The following WT1 variants were observed in gnomAD, a reference collection of about 807,000 sequenced individuals.
The protein encoded by WT1 is WT1 transcription factor.
WT1 carries 8 observed loss-of-function variants against 60.8 expected under a neutral mutation model. The observed-to-expected ratio is 0.13, with a 90% CI of 0.08 to 0.24. The LOEUF (loss-of-function observed/expected upper bound fraction) is 0.24, where lower values mean the gene tolerates loss of function less well. Ranked by LOEUF, WT1 falls within the 10% of genes least tolerant of loss-of-function variation. WT1 has a pLI of 1.00. For missense variants in WT1, 568 were observed against 711.8 expected (o/e 0.80, Z 2.30); for synonymous variants, 312 against 297.1 (o/e 1.05, Z -0.52).
At chr11:32,405,064 G>C (rs1590353739) in intron 5 of WT1, among the ~76,000 whole-genome samples, 1 of 152,156 alleles carries the variant, frequency 6.6e-6, no homozygotes, top group Admixed American at 6.5e-5. Flanking sequence ...AATATGGATT[G>C]ACTCTTTTTA....
chr11:32,398,481 C>T (rs2132950026), intron 6 of WT1, among the ~76,000 whole-genome samples: 1 of 152,312 alleles, frequency 6.6e-6, no homozygotes, highest in East Asian at 1.9e-4. Context: ...AAACTTTTAC[C>T]TTTATACTTT....
rs5030133 is a variant in WT1, at chr11:32,435,435, G to A, written c.-75C>T. ...GCTCTGGGTGGGTGGGTGGGTGAATGAGTAGGTGGGAGGGAGGGCGGGAAG... is the reference window on the plus strand; with the variant it reads ...GCTCTGGGTGGGTGGGTGGGTGAATAAGTAGGTGGGAGGGAGGGCGGGAAG... On this transcript the variant is annotated 5_prime_UTR_variant, in exon 1 of 10. Coordinates refer to ENST00000452863, the MANE Select transcript of WT1 (RefSeq NM_024426.6). 3.8e-5 allele frequency: 13 copies of A among 343,916 alleles called. No homozygotes were observed. Among genetic ancestry groups the A allele is most frequent in the Non-Finnish European group, 6.8e-5 (12 of 177,084 alleles). 21.3% of individuals were successfully genotyped at this position (343,916 alleles called of 1,614,324 possible).
intron 1 of WT1, among the ~76,000 whole-genome samples, chr11:32,432,881 T>G (rs772241651): frequency 1.3e-5 from 2 of 152,206 alleles, no homozygotes; most frequent in Admixed American, 6.5e-5. Context: ...CGTAGTAGTA[T>G]TTTGTGCCCC....
At chr11:32,404,875 T>G (rs113568234) in intron 5 of WT1, among the ~76,000 whole-genome samples, 16 of 152,324 alleles carry the variant, frequency 1.1e-4, no homozygotes, top group African/African-American at 3.8e-4. Flanking sequence ...TCTGGCCTAA[T>G]AACTTTTCCA....
chr11:32,408,365 A>G (rs1294808146), intron 5 of WT1, among the ~76,000 whole-genome samples: 1 of 151,726 alleles, frequency 6.6e-6, no homozygotes, highest in Admixed American at 6.6e-5. Flanking sequence ...AATACAAAAC[A>G]TTAGCCGGGT....
chr11:32,430,456 G>T, intron 1 of WT1: 2 of 212,074 alleles, frequency 9.4e-6, no homozygotes, highest in Non-Finnish European at 1.6e-5. Context: ...GAGAGGGAGG[G>T]AGAGAGAGAG....
intron 5 of WT1, among the ~76,000 whole-genome samples, chr11:32,404,221 A>G (rs1471700806): frequency 6.8e-6 from 1 of 147,730 alleles, no homozygotes; most frequent in Non-Finnish European, 1.5e-5. Context: ...GTGAGCCGAG[A>G]TCGTGCCATT....
intron 5 of WT1, 83 bp from the exon 6 acceptor site, chr11:32,400,127 G>A: frequency 6.6e-7 from 1 of 1,515,006 alleles, no homozygotes; most frequent in Non-Finnish European, 9.1e-7. Flanking sequence ...AGGAGGGAAT[G>A]ATGGTTTTTA....
chr11:32,417,417 A>T lies in WT1; in HGVS notation c.965+160T>A, dbSNP rs112220067. 11 of 683,248 alleles carry T rather than the reference A, an allele frequency of 1.6e-5. No homozygotes were observed. The African/African-American group carries it at 2.0e-4, about 12-fold the overall frequency. 42.3% of individuals were successfully genotyped at this position (683,248 alleles called of 1,614,324 possible). The stretch of plus-strand genomic sequence containing the variant: ...TTTTTGAAAATTTAATACTGAACAC[A>T]ACTCACCAACTAGGGGAAGGAGGAA... On this transcript the variant is annotated intron_variant, in intron 4 of 9. Coordinates refer to ENST00000452863, the MANE Select transcript of WT1 (RefSeq NM_024426.6).
chr11:32,416,453 C>T (rs199588402), intron 5 of WT1, 37 bp downstream of exon 5: 154 of 1,613,766 alleles, frequency 9.5e-5, no homozygotes, highest in East Asian at 2.9e-4. Context: ...GCAAGGCCTA[C>T]GCCATTTGCT....
intron 1 of WT1, among the ~76,000 whole-genome samples, chr11:32,431,760 G>A (rs1853320535): frequency 1.3e-5 from 2 of 151,880 alleles, no homozygotes; most frequent in Admixed American, 6.6e-5. Flanking sequence ...TCTAGTCTGG[G>A]GCTACTCAAG....
intron 9 of WT1, among the ~76,000 whole-genome samples, chr11:32,390,972 T>G (rs1851798555): frequency 9.7e-6 from 1 of 103,570 alleles, no homozygotes; most frequent in African/African-American, 5.3e-5. Context: ...CATTTTTTTT[T>G]GTTTGTTTTG....
At chr11:32,394,040 A>C (rs772925254) in intron 7 of WT1, among the ~76,000 whole-genome samples, 2 of 152,180 alleles carry the variant, frequency 1.3e-5, no homozygotes, top group Non-Finnish European at 2.9e-5. Context: ...CTACAGGCAT[A>C]CACCAGCACA....
intron 9 of WT1, among the ~76,000 whole-genome samples, chr11:32,390,977 G>A (rs1471820291): frequency 1.6e-5 from 1 of 62,930 alleles, no homozygotes; most frequent in South Asian, 7.9e-4. Context: ...TTTTTTGTTT[G>A]TTTTGTTTTG....
At chr11:32,406,452 C>T (rs972266572) in intron 5 of WT1, among the ~76,000 whole-genome samples, 1 of 152,038 alleles carries the variant, frequency 6.6e-6, no homozygotes, top group African/African-American at 2.4e-5. Flanking sequence ...TCAAGCTTTG[C>T]TACCTCGCCT....
At chr11:32,428,711 C>G (rs575563762) in intron 1 of WT1, 92 bp from the exon 2 acceptor site, 2 of 1,535,228 alleles carry the variant, frequency 1.3e-6, no homozygotes, top group African/African-American at 1.4e-5. Flanking sequence ...GGGGGGTGTG[C>G]GCTGAACCCC....
chr11:32,400,362 C>G (rs1476240749), intron 5 of WT1: 4 of 440,284 alleles, frequency 9.1e-6, no homozygotes, highest in Non-Finnish European at 1.3e-5. Context: ...TGTTTACCAT[C>G]TAGACGGCAG....
intron 7 of WT1, among the ~76,000 whole-genome samples, chr11:32,393,441 T>G (rs1221156717): frequency 6.6e-6 from 1 of 152,240 alleles, no homozygotes; most frequent in Non-Finnish European, 1.5e-5. Context: ...AGCCAAATAC[T>G]GGGACCTGAG....
chr11:32,433,736 C>A (rs963607737), intron 1 of WT1, among the ~76,000 whole-genome samples: 2 of 152,234 alleles, frequency 1.3e-5, no homozygotes, highest in African/African-American at 2.4e-5. Flanking sequence ...GAGAGGTGGG[C>A]GGGCATCGGC....
Sources: allele counts gnomAD v4.1 joint callset (sites outside exome capture counted in the v4.1 genomes callset), GRCh38; gene constraint gnomAD v4.1.1; transcripts MANE v1.5; gene names NCBI Gene and HGNC (gene_info 2026-07-23, HGNC 2026-07-21).